Variants in THUMPD3 observed in about 807,000 individuals in gnomAD.
THUMPD3 encodes tRNA (guanine(6)-N(2))-methyltransferase THUMP3.
A neutral mutation model predicts 54.5 loss-of-function variants in THUMPD3; 44 were observed. The observed-to-expected ratio is 0.81, with a 90% CI of 0.63 to 1.04. The LOEUF (loss-of-function observed/expected upper bound fraction) is 1.04. THUMPD3 is among the 50% of genes least tolerant of loss of function. THUMPD3 has a pLI of 0.00. For missense variants in THUMPD3, 604 were observed against 601.3 expected (o/e 1.00, Z -0.05); for synonymous variants, 196 against 201.4 (o/e 0.97, Z 0.23).
intron 6 of THUMPD3, among the ~76,000 whole-genome samples, chr3:9,378,664 C>T (rs1316351149): frequency 6.6e-6 from 1 of 152,094 alleles, no homozygotes; most frequent in Non-Finnish European, 1.5e-5. Context: ...CAAAGCAAGC[C>T]CACAAGGGGA....
intron 6 of THUMPD3, among the ~76,000 whole-genome samples, chr3:9,378,994 A>G (rs2032676849): frequency 6.6e-6 from 1 of 152,164 alleles, no homozygotes; most frequent in Non-Finnish European, 1.5e-5. Flanking sequence ...AGTTTGAGCC[A>G]TTTCCATGTA....
chr3:9,368,309 C>T (rs765703554), intron 3 of THUMPD3, among the ~76,000 whole-genome samples: 4 of 151,048 alleles, frequency 2.6e-5, no homozygotes, highest in Admixed American at 6.6e-5. Flanking sequence ...GCTGGGATTA[C>T]AGGTGTAAGC....
chr3:9,380,597 C>T lies in THUMPD3; in HGVS notation c.1103C>T (p.Thr368Ile), dbSNP rs1279954369. ...GCAAATAACATTGCATCTTTATTGA[C>T]CAAGAGCCAAATTAAAGAAGGGTAA... ...RAANNIASLLTKSQIKEGKPS... is the reference protein window; with the variant it reads ...RAANNIASLLIKSQIKEGKPS... The change falls in exon 7 of 10, where the codon ACC becomes ATC. Residue 368 changes from threonine (T) to isoleucine (I), a missense_variant. By Grantham distance (89) the Thr-to-Ile change is moderately conservative (BLOSUM62 -1). Transcript: ENST00000452837. 4 of 1,611,134 alleles carry T rather than the reference C, an allele frequency of 2.5e-6. No individual in the cohort carries two copies. The highest frequency in any genetic ancestry group is 3.3e-5 in the Admixed American group (2 of 59,786).
intron 6 of THUMPD3, among the ~76,000 whole-genome samples, chr3:9,380,034 G>T (rs2032761447): frequency 6.6e-6 from 1 of 152,110 alleles, no homozygotes; most frequent in South Asian, 2.1e-4. Context: ...ATCAGATTAT[G>T]TAAACTCCCA....
intron 7 of THUMPD3, 89 bp from the exon 8 acceptor site, chr3:9,383,110 G>A: frequency 1.3e-6 from 1 of 784,388 alleles, no homozygotes. Flanking sequence ...TTTATGTTTT[G>A]CTGTAGCAGT....
At chr3:9,363,720 C>T (rs1413651625) in intron 1 of THUMPD3, 1 of 152,026 alleles carries the variant, frequency 6.6e-6, no homozygotes, top group African/African-American at 2.4e-5. Flanking sequence ...CTATGGATCC[C>T]AGAGTCTGGC....
chr3:9,371,839 G>A (rs2032062294), intron 4 of THUMPD3, among the ~76,000 whole-genome samples: 1 of 152,160 alleles, frequency 6.6e-6, no homozygotes, highest in Non-Finnish European at 1.5e-5. Context: ...CATACACTAA[G>A]TGCTCCATAG....
chr3:9,365,886 G>A (rs1026228426), intron 2 of THUMPD3, among the ~76,000 whole-genome samples: 8 of 151,780 alleles, frequency 5.3e-5, no homozygotes, highest in African/African-American at 1.5e-4. Context: ...CACTGCGCTC[G>A]GCCTGCCAGT....
chr3:9,384,432 C>A, intron 9 of THUMPD3, 92 bp from the exon 10 acceptor site: 1 of 1,600,610 alleles, frequency 6.2e-7, no homozygotes, highest in Non-Finnish European at 8.5e-7. Context: ...GTTTTCTCTT[C>A]CCCTGAGGTT....
Position 9,376,812 on chromosome 3 carries a change from A to T in THUMPD3, c.939-1007A>T, listed in dbSNP as rs141875183. On this transcript the variant is annotated intron_variant, in intron 5 of 9. Coordinates refer to ENST00000452837, the MANE Select transcript of THUMPD3 (RefSeq NM_001114092.2). Reference sequence around the variant, plus strand: ...CTAACAGTAATGCCTCTAATCTTGAATCTGTTACCTACTAGTTTTGTGTCC... The same window carrying T: ...CTAACAGTAATGCCTCTAATCTTGATTCTGTTACCTACTAGTTTTGTGTCC... 9.7e-4 allele frequency among the ~76,000 whole-genome samples: 147 copies of T among 152,298 alleles called. 2 individuals are homozygous for T. In the East Asian group the frequency reaches 0.026, roughly 27 times the overall value.
intron 6 of THUMPD3, among the ~76,000 whole-genome samples, chr3:9,379,001 T>C (rs552832302): frequency 2.6e-5 from 4 of 152,198 alleles, no homozygotes; most frequent in East Asian, 1.9e-4. Context: ...GCCATTTCCA[T>C]GTAAGAGTAG....
chr3:9,374,675 A>G, intron 5 of THUMPD3, 29 bp downstream of exon 5: 1 of 1,611,136 alleles, frequency 6.2e-7, no homozygotes. Flanking sequence ...CATCCAGCTT[A>G]AAGTGGCACC....
At chr3:9,367,574 G>C (rs768556550) in intron 3 of THUMPD3, among the ~76,000 whole-genome samples, 7 of 152,182 alleles carry the variant, frequency 4.6e-5, no homozygotes, top group African/African-American at 1.7e-4. Flanking sequence ...GGTTTCTAGA[G>C]TTAACCGCTT....
rs376198461 is a variant in THUMPD3, at chr3:9,374,666, A to C, written c.938+20A>C. Reference sequence around the variant, plus strand: ...GCTCAGGTAAGAAAATGAGTTTGCCATCCAGCTTAAAGTGGCACCTTGGTT... The same window carrying C: ...GCTCAGGTAAGAAAATGAGTTTGCCCTCCAGCTTAAAGTGGCACCTTGGTT... On this transcript the variant is annotated intron_variant, in intron 5 of 9. Coordinates refer to ENST00000452837, the MANE Select transcript of THUMPD3 (RefSeq NM_001114092.2). 2.2e-5 allele frequency: 35 copies of C among 1,612,248 alleles called. No homozygotes were observed. The highest frequency in any genetic ancestry group is 4.0e-5 in the African/African-American group (3 of 74,830).
At chr3:9,368,629 G>C (rs1319278754) in intron 3 of THUMPD3, among the ~76,000 whole-genome samples, 1 of 152,118 alleles carries the variant, frequency 6.6e-6, no homozygotes, top group Non-Finnish European at 1.5e-5. Context: ...TCAAAGTGCT[G>C]GGGTTACAGG....
At position 9,384,922 on chromosome 3, in the gene THUMPD3, G is replaced by A; in HGVS notation, c.*234G>A. ...GCAGTTTAGGAAGCCGAAGTGTGCA[G>A]ATCACCTGAGGTCCGGAGACCAGCC... On this transcript the variant is annotated 3_prime_UTR_variant, in exon 10 of 10. Transcript: ENST00000452837. The A allele has an allele frequency of 2.2e-6, 1 of 463,654 alleles. No homozygotes were observed. The highest frequency in any genetic ancestry group is 3.9e-6 in the Non-Finnish European group (1 of 257,352). The allele number at this position is 463,654 out of a possible 1,614,324, so 28.7% of individuals were successfully genotyped here.
At chr3:9,371,908 G>T (rs910350319) in intron 4 of THUMPD3, among the ~76,000 whole-genome samples, 2 of 152,152 alleles carry the variant, frequency 1.3e-5, no homozygotes, top group African/African-American at 2.4e-5. Flanking sequence ...ACAGAGTCTT[G>T]CTCTGTCACC....
intron 3 of THUMPD3, among the ~76,000 whole-genome samples, chr3:9,367,601 C>G (rs2031663945): frequency 6.6e-6 from 1 of 152,190 alleles, no homozygotes; most frequent in Admixed American, 6.5e-5. Flanking sequence ...ATTTTTCTAT[C>G]AGTTTTACGT....
chr3:9,372,187 C>T (rs998235493), intron 4 of THUMPD3, among the ~76,000 whole-genome samples: 1 of 152,188 alleles, frequency 6.6e-6, no homozygotes, highest in African/African-American at 2.4e-5. Flanking sequence ...TACTCTTTTA[C>T]TATATTATAT....
Sources: allele counts gnomAD v4.1 joint callset (sites outside exome capture counted in the v4.1 genomes callset), GRCh38; gene constraint gnomAD v4.1.1; transcripts MANE v1.5; gene names NCBI Gene and HGNC (gene_info 2026-07-23, HGNC 2026-07-21).